The following KAT2B variants were observed in gnomAD, a reference collection of about 807,000 sequenced individuals.
KAT2B encodes the protein lysine acetyltransferase 2B, also known as histone acetyltransferase KAT2B.
In KAT2B, 36 loss-of-function variants were observed where a neutral mutation model predicts 105.9. That is an observed-to-expected ratio of 0.34 (90% CI 0.26 to 0.45). The LOEUF is 0.45. Among genes scored for constraint, KAT2B ranks in the 20% least tolerant of loss-of-function variants. The pLI, the probability that KAT2B is intolerant of heterozygous loss-of-function variation, is 1.00. For synonymous variants in KAT2B, 397 were observed against 377.9 expected (o/e 1.05, Z -0.59); for missense variants, 820 against 1,021.6 (o/e 0.80, Z 2.69).
intron 17 of KAT2B, among the ~76,000 whole-genome samples, chr3:20,151,129 ATC>A (rs1412689983): frequency 1.3e-5 from 2 of 152,136 alleles, no homozygotes; most frequent in East Asian, 3.9e-4. Context: ...TTAGATTTTT[ATC>A]TCTCTCCAAA....
chr3:20,042,175 A>C (rs907644923), intron 1 of KAT2B, among the ~76,000 whole-genome samples: 1 of 152,232 alleles, frequency 6.6e-6, no homozygotes, highest in Non-Finnish European at 1.5e-5. Context: ...AAGTGATGCT[A>C]TGCTAGTCCA....
intron 1 of KAT2B, among the ~76,000 whole-genome samples, chr3:20,059,905 CCA>C (rs1489269774): frequency 6.6e-6 from 1 of 152,130 alleles, no homozygotes; most frequent in Non-Finnish European, 1.5e-5. Context: ...TTCCTACCCC[CCA>C]CCCCAGATGA....
intron 12 of KAT2B, among the ~76,000 whole-genome samples, chr3:20,138,124 G>A (rs1699634307): frequency 6.6e-6 from 1 of 152,126 alleles, no homozygotes. Flanking sequence ...TGTAGAAAAT[G>A]TAATAAAGCA....
chr3:20,092,795 G>A (rs1698746215), intron 2 of KAT2B, among the ~76,000 whole-genome samples: 1 of 151,952 alleles, frequency 6.6e-6, no homozygotes, highest in African/African-American at 2.4e-5. Context: ...TCCGCCTCCT[G>A]GGTTCAAGCA....
At chr3:20,092,314 C>T (rs891021671) in intron 2 of KAT2B, among the ~76,000 whole-genome samples, 1 of 151,614 alleles carries the variant, frequency 6.6e-6, no homozygotes, top group Non-Finnish European at 1.5e-5. Flanking sequence ...CTGCAGCCTC[C>T]ACCTCACAGG....
intron 6 of KAT2B, among the ~76,000 whole-genome samples, chr3:20,113,635 C>G (rs1336691813): frequency 1.3e-5 from 2 of 152,080 alleles, no homozygotes; most frequent in Non-Finnish European, 2.9e-5. Flanking sequence ...GGATTTATAC[C>G]TACAGTTTTG....
intron 14 of KAT2B, 26 bp downstream of exon 14, chr3:20,146,456 C>A (rs750122932): frequency 1.4e-6 from 2 of 1,380,690 alleles, no homozygotes; most frequent in Non-Finnish European, 1.0e-6. Context: ...CTTTTAAAAG[C>A]GAAATTTTTT....
intron 2 of KAT2B, among the ~76,000 whole-genome samples, chr3:20,073,885 C>G (rs1415582754): frequency 6.6e-6 from 1 of 152,166 alleles, no homozygotes; most frequent in Non-Finnish European, 1.5e-5. Flanking sequence ...ATCCTATTAT[C>G]CTACATCAAT....
chr3:20,149,961 C>A (rs925102093), intron 17 of KAT2B, among the ~76,000 whole-genome samples: 6 of 152,198 alleles, frequency 3.9e-5, no homozygotes, highest in African/African-American at 1.4e-4. Context: ...CCCTTTCAGC[C>A]CCTGTGCACA....
intron 12 of KAT2B, chr3:20,137,703 G>A (rs978624477): frequency 6.5e-6 from 1 of 153,206 alleles, no homozygotes; most frequent in African/African-American, 2.4e-5. Context: ...TGTATTTTTA[G>A]TAGAGACAGG....
chr3:20,145,554 G>GT (rs550166293), intron 13 of KAT2B, among the ~76,000 whole-genome samples: 1,682 of 91,964 alleles, frequency 0.018, 23 homozygotes, highest in African/African-American at 0.03. Context: ...GATTTTTTTA[G>GT]TTTTTTTTTT....
intron 5 of KAT2B, among the ~76,000 whole-genome samples, chr3:20,102,102 G>T (rs1354658390): frequency 2.0e-5 from 3 of 151,994 alleles, no homozygotes; most frequent in Non-Finnish European, 4.4e-5. Context: ...AGATCACTTG[G>T]GTCAGGAGTT....
intron 7 of KAT2B, among the ~76,000 whole-genome samples, chr3:20,116,795 A>G (rs1699215003): frequency 6.6e-6 from 1 of 152,136 alleles, no homozygotes; most frequent in Non-Finnish European, 1.5e-5. Flanking sequence ...TCTCCTTTAC[A>G]TAGTTGAGGA....
intron 1 of KAT2B, among the ~76,000 whole-genome samples, chr3:20,049,740 A>G (rs1273349522): frequency 6.6e-6 from 1 of 152,212 alleles, no homozygotes; most frequent in Non-Finnish European, 1.5e-5. Context: ...TTACTGGCCC[A>G]GGACAGACAT....
chr3:20,085,365 A>G (rs9838973), intron 2 of KAT2B, among the ~76,000 whole-genome samples: 2,802 of 152,296 alleles, frequency 0.018, 97 homozygotes, highest in African/African-American at 0.064. Flanking sequence ...TGACCCAGCA[A>G]ATGTTCTACC....
chr3:20,146,245 T>C, intron 13 of KAT2B, 71 bp from the exon 14 acceptor site: 1 of 844,284 alleles, frequency 1.2e-6, no homozygotes, highest in Admixed American at 2.1e-5. Flanking sequence ...AAACATTTCA[T>C]TAGGTTGACT....
intron 8 of KAT2B, among the ~76,000 whole-genome samples, chr3:20,120,559 G>A (rs1699290481): frequency 6.6e-6 from 1 of 152,104 alleles, no homozygotes; most frequent in African/African-American, 2.4e-5. Context: ...TCCAAAGCAA[G>A]TCACGTAGTT....
At chr3:20,098,836 C>A (rs1396117508) in intron 3 of KAT2B, among the ~76,000 whole-genome samples, 1 of 152,020 alleles carries the variant, frequency 6.6e-6, no homozygotes, top group African/African-American at 2.4e-5. Context: ...TTGTATGGCA[C>A]CCCTGGAAGG....
chr3:20,121,743 T>G (rs1699314034), intron 8 of KAT2B, among the ~76,000 whole-genome samples: 1 of 67,528 alleles, frequency 1.5e-5, no homozygotes, highest in Non-Finnish European at 3.7e-5. Flanking sequence ...TGTGTGTGTG[T>G]GTGTGTGTGT....
Sources: allele counts gnomAD v4.1 joint callset (sites outside exome capture counted in the v4.1 genomes callset), GRCh38; gene constraint gnomAD v4.1.1; transcripts MANE v1.5; gene names NCBI Gene and HGNC (gene_info 2026-07-23, HGNC 2026-07-21).